Variants in VPS13D observed in about 807,000 individuals in gnomAD.
VPS13D encodes intermembrane lipid transfer protein VPS13D.
VPS13D carries 187 observed loss-of-function variants against 461.9 expected under a neutral mutation model. That is an observed-to-expected ratio of 0.40 (90% CI 0.36 to 0.46). VPS13D has a LOEUF of 0.46. Among genes scored for constraint, VPS13D ranks in the 20% least tolerant of loss-of-function variants. The pLI is 0.60. For synonymous variants in VPS13D, 1,951 were observed against 1,986.3 expected, an observed-to-expected ratio of 0.98 and a Z score of 0.47; for missense variants, 4,711 against 5,364.9, an observed-to-expected ratio of 0.88 and a Z score of 3.81.
chr1:12,241,922 G>A (rs949684033), intron 2 of VPS13D, among the ~76,000 whole-genome samples: 7 of 152,090 alleles, frequency 4.6e-5, no homozygotes, highest in Non-Finnish European at 7.4e-5. Flanking sequence ...GTCTGCGGGT[G>A]GGGCCCAGGA....
chr1:12,310,752 C>T (rs1339626385), intron 27 of VPS13D, among the ~76,000 whole-genome samples: 10 of 150,672 alleles, frequency 6.6e-5, no homozygotes, highest in Non-Finnish European at 1.2e-4. Flanking sequence ...TAAGGATTTC[C>T]CTCCCTCCAT....
intron 35 of VPS13D, among the ~76,000 whole-genome samples, chr1:12,326,741 G>A (rs564502439): frequency 2.0e-4 from 31 of 151,814 alleles, no homozygotes; most frequent in Middle Eastern, 3.4e-3. Flanking sequence ...CCTCCCAGGT[G>A]CAAGCGATTC....
chr1:12,412,858 AG>A (rs1644746707), intron 63 of VPS13D, among the ~76,000 whole-genome samples: 1 of 152,198 alleles, frequency 6.6e-6, no homozygotes, highest in Admixed American at 6.5e-5. Context: ...AAGAGTAGTA[AG>A]ATAAGTCACA....
In VPS13D at chr1:12,304,661, C is replaced by A. The variant is rs757194368; in HGVS notation, c.6372C>A (p.Pro2124=). The A allele has an allele frequency of 3.1e-6, 5 of 1,614,030 alleles. No individual in the cohort carries two copies. In the South Asian group the frequency reaches 5.5e-5, roughly 18 times the overall value. The part of the protein sequence containing the change: ...SLGSLKSEFV[P]STSTKQQGPQ... ...GAAGCCTGAAGAGTGAGTTTGTGCCCAGTACCTCCACCAAGCAGCAAGGGC... is the reference window on the plus strand; with the variant it reads ...GAAGCCTGAAGAGTGAGTTTGTGCCAAGTACCTCCACCAAGCAGCAAGGGC... The change falls in exon 26 of 70, where the codon CCC becomes CCA. Residue 2124 remains proline (P), a synonymous_variant. Coordinates refer to ENST00000620676, the MANE Select transcript of VPS13D (RefSeq NM_015378.4).
chr1:12,452,848 G>A (rs1036527393), intron 65 of VPS13D, among the ~76,000 whole-genome samples: 2 of 152,204 alleles, frequency 1.3e-5, no homozygotes, highest in South Asian at 2.1e-4. Flanking sequence ...ATTTCTAGGG[G>A]TGAAGACTTT....
Position 12,397,082 on chromosome 1 carries a change from C to T in VPS13D, c.11635-3099C>T, listed in dbSNP as rs114983958. On this transcript the variant is annotated intron_variant, in intron 60 of 69. Coordinates refer to ENST00000620676, the MANE Select transcript of VPS13D (RefSeq NM_015378.4). ...CCAAATAGATGGGATTACAGGTGCC[C>T]GCCACCACGCCCAGCAATTTTCGTA... Among the ~76,000 whole-genome samples the T allele has an allele frequency of 6.7e-3, 1,026 of 152,124 alleles. 14 individuals are homozygous for T. The highest frequency in any genetic ancestry group is 0.022 in the African/African-American group (929 of 41,500).
intron 55 of VPS13D, among the ~76,000 whole-genome samples, chr1:12,377,087 T>G (rs1460767099): frequency 2.6e-5 from 4 of 151,694 alleles, no homozygotes; most frequent in Non-Finnish European, 4.4e-5. Context: ...GAGACGGAGT[T>G]TCGCTCTTGT....
intron 65 of VPS13D, among the ~76,000 whole-genome samples, chr1:12,419,056 G>A (rs1644830342): frequency 6.6e-6 from 1 of 152,192 alleles, no homozygotes. Flanking sequence ...CTGAAAAACT[G>A]TTTTTGAAGC....
At chr1:12,281,713 C>T (rs1641789647) in intron 20 of VPS13D, among the ~76,000 whole-genome samples, 2 of 152,060 alleles carry the variant, frequency 1.3e-5, no homozygotes, top group Admixed American at 6.6e-5. Context: ...TTGCAAAATT[C>T]CCTGTCAGTC....
At chr1:12,413,053 A>G (rs1388156015) in intron 63 of VPS13D, among the ~76,000 whole-genome samples, 2 of 152,230 alleles carry the variant, frequency 1.3e-5, no homozygotes, top group Non-Finnish European at 2.9e-5. Context: ...AAGTTGCTTA[A>G]TCTCACTTCT....
chr1:12,353,545 A>C (rs1056860381), intron 46 of VPS13D, among the ~76,000 whole-genome samples: 22 of 150,060 alleles, frequency 1.5e-4, no homozygotes, highest in East Asian at 3.8e-4. Flanking sequence ...AAAAAAAAAA[A>C]AAAAAAAAAA....
chr1:12,400,455 A>G, intron 61 of VPS13D, 125 bp downstream of exon 61: 3 of 1,135,138 alleles, frequency 2.6e-6, no homozygotes, highest in Non-Finnish European at 2.5e-6. Flanking sequence ...GTTAAACCAC[A>G]TGTGACATAA....
At chr1:12,447,888 T>C (rs970586724) in intron 65 of VPS13D, among the ~76,000 whole-genome samples, 3 of 152,214 alleles carry the variant, frequency 2.0e-5, no homozygotes, top group Non-Finnish European at 4.4e-5. Context: ...CGATTTTAAT[T>C]GACATATTTA....
chr1:12,333,753 A>G lies in VPS13D; in HGVS notation c.8428+387A>G, dbSNP rs192799735. 1.5e-3 allele frequency among the ~76,000 whole-genome samples: 221 copies of G among 152,372 alleles called. 4 individuals carry two copies. The highest frequency in any genetic ancestry group is 5.1e-3 in the African/African-American group (214 of 41,594). On this transcript the variant is annotated intron_variant, in intron 38 of 69. Transcript: ENST00000620676. ...ATTTTGACCATATCTTTATAGTAGA[A>G]TAAGTTGCCTTTGTTGTTTCCCATT... is the stretch of plus-strand genomic sequence containing the variant.
chr1:12,424,163 A>C (rs900002969), intron 65 of VPS13D, among the ~76,000 whole-genome samples: 7 of 152,214 alleles, frequency 4.6e-5, no homozygotes, highest in Non-Finnish European at 1.0e-4. Context: ...CACTTCAGAC[A>C]GTGATCTTTC....
chr1:12,243,766 G>C (rs1460365327), intron 3 of VPS13D, among the ~76,000 whole-genome samples: 1 of 152,194 alleles, frequency 6.6e-6, no homozygotes, highest in Non-Finnish European at 1.5e-5. Flanking sequence ...TCTTTATTGA[G>C]AGAAGGCCAG....
Position 12,342,839 on chromosome 1 carries a change from C to T in VPS13D, c.8733-60C>T, listed in dbSNP as rs575474337. ...AGGTTCTGCTCTTCTGCACGGGGCTCCTGTGAGAGGGAGCTGGGAAGAAAC... is the reference window on the plus strand; with the variant it reads ...AGGTTCTGCTCTTCTGCACGGGGCTTCTGTGAGAGGGAGCTGGGAAGAAAC... On this transcript the variant is annotated intron_variant, in intron 41 of 69. Coordinates refer to ENST00000620676, the MANE Select transcript of VPS13D (RefSeq NM_015378.4). 1.2e-5 allele frequency: 19 copies of T among 1,539,280 alleles called. No homozygotes were observed. In the East Asian group the frequency reaches 3.6e-4, roughly 29 times the overall value.
chr1:12,379,679 G>A, intron 57 of VPS13D, 83 bp downstream of exon 57: 1 of 951,602 alleles, frequency 1.1e-6, no homozygotes, highest in Non-Finnish European at 1.6e-6. Context: ...TATACATGAT[G>A]AATTGTTCAG....
At chr1:12,366,460 C>T (rs1006827861) in intron 52 of VPS13D, among the ~76,000 whole-genome samples, 1 of 152,088 alleles carries the variant, frequency 6.6e-6, no homozygotes, top group African/African-American at 2.4e-5. Context: ...AATGTGTTCC[C>T]CGTAAGATTT....
Sources: gnomAD v4.1 joint callset for allele counts (sites outside exome capture counted in the v4.1 genomes callset) on GRCh38, gnomAD v4.1.1 for gene constraint, MANE v1.5 for transcripts, NCBI Gene and HGNC (gene_info 2026-07-23, HGNC 2026-07-21) for gene names.